CAST: variants seen among roughly 807,000 people sequenced by gnomAD.
CAST encodes the protein MIR583 host.
CAST carries 76 observed loss-of-function variants against 119.6 expected under a neutral mutation model. That is an observed-to-expected ratio of 0.64 (90% CI 0.53 to 0.77). CAST has a LOEUF of 0.77. CAST is among the 30% of genes least tolerant of loss of function. The probability of loss-of-function intolerance (pLI) is 0.00; values close to 1 mark genes in which losing one functional copy is unlikely to be tolerated. For missense variants in CAST, 953 were observed against 946.5 expected (o/e 1.01, Z -0.09); for synonymous variants, 319 against 331.6 (o/e 0.96, Z 0.41).
chr5:96,499,540 C>T, the CAST span, among the ~76,000 whole-genome samples: 1 of 152,190 alleles, frequency 6.6e-6, no homozygotes, highest in Non-Finnish European at 1.5e-5. Context: ...TGTCTACTGA[C>T]TGATCAGGGT....
chr5:96,204,685 G>A, the CAST span, among the ~76,000 whole-genome samples: 1 of 151,954 alleles, frequency 6.6e-6, no homozygotes, highest in Admixed American at 6.6e-5. Context: ...CTCCCAGGAG[G>A]CCCACAGAAA....
chr5:96,736,457 AAAAAC>A (rs201778654), intron 10 of CAST, among the ~76,000 whole-genome samples: 1 of 149,354 alleles, frequency 6.7e-6, no homozygotes, highest in Non-Finnish European at 1.5e-5. Flanking sequence ...TTTTTTAAAA[AAAAAC>A]AAACAAACTC....
chr5:96,498,263 A>G, the CAST span, among the ~76,000 whole-genome samples: 3 of 152,196 alleles, frequency 2.0e-5, no homozygotes, highest in African/African-American at 7.2e-5. Flanking sequence ...TGGTTACTGT[A>G]GCTGTGTAGT....
the CAST span, among the ~76,000 whole-genome samples, chr5:96,439,629 A>G: frequency 6.6e-6 from 1 of 152,182 alleles, no homozygotes; most frequent in African/African-American, 2.4e-5. Context: ...TGTTTTCCCC[A>G]GAGACATCAG....
intron 16 of CAST, 43 bp downstream of exon 16, chr5:96,742,799 C>A: frequency 1.5e-6 from 2 of 1,351,614 alleles, no homozygotes; most frequent in East Asian, 2.3e-5. Flanking sequence ...TTAGTCTGCA[C>A]ATTACAAAAC....
chr5:96,005,140 T>C, the CAST span, among the ~76,000 whole-genome samples: 1 of 152,238 alleles, frequency 6.6e-6, no homozygotes, highest in African/African-American at 2.4e-5. Context: ...AAAACTCATC[T>C]TCTTTGAGTC....
At chr5:96,066,762 C>T in the CAST span, among the ~76,000 whole-genome samples, 1 of 151,988 alleles carries the variant, frequency 6.6e-6, no homozygotes, top group Non-Finnish European at 1.5e-5. Flanking sequence ...TGGGCTCAAG[C>T]AATTCTCCCC....
chr5:96,186,324 T>G, the CAST span, among the ~76,000 whole-genome samples: 2 of 152,168 alleles, frequency 1.3e-5, no homozygotes, highest in Non-Finnish European at 2.9e-5. Flanking sequence ...CCCTTCCTGT[T>G]TGAATACCCT....
the CAST span, among the ~76,000 whole-genome samples, chr5:96,438,727 T>C: frequency 6.6e-6 from 1 of 152,196 alleles, no homozygotes; most frequent in African/African-American, 2.4e-5. Flanking sequence ...TAAGATGGTA[T>C]CATATCAACC....
intron 3 of CAST, among the ~76,000 whole-genome samples, chr5:96,711,356 G>GA (rs962896812): frequency 1.3e-5 from 2 of 152,066 alleles, no homozygotes; most frequent in African/African-American, 2.4e-5. Context: ...CTGATAATCT[G>GA]AAAAAAATTC....
chr5:96,622,655 A>T (rs1747637051), intron 1 of CAST, among the ~76,000 whole-genome samples: 1 of 152,136 alleles, frequency 6.6e-6, no homozygotes, highest in Non-Finnish European at 1.5e-5. Context: ...GTATTGGAGA[A>T]GTTTGGGTTC....
the CAST span, among the ~76,000 whole-genome samples, chr5:96,422,693 A>C: frequency 6.6e-6 from 1 of 152,234 alleles, no homozygotes; most frequent in Non-Finnish European, 1.5e-5. Flanking sequence ...TGAGAGAAAA[A>C]CAAGGGATAA....
the CAST span, among the ~76,000 whole-genome samples, chr5:96,418,836 A>G: frequency 6.6e-6 from 1 of 152,144 alleles, no homozygotes; most frequent in East Asian, 1.9e-4. Context: ...TGTCATTTCC[A>G]AATAGCAGAT....
chr5:96,537,486 T>C (rs1205791525), intron 1 of CAST, among the ~76,000 whole-genome samples: 1 of 152,232 alleles, frequency 6.6e-6, no homozygotes, highest in Non-Finnish European at 1.5e-5. Context: ...GATGAGCCAT[T>C]GATGGCCTTG....
the CAST span, among the ~76,000 whole-genome samples, chr5:96,263,602 T>C: frequency 2.1e-5 from 3 of 145,952 alleles, no homozygotes; most frequent in Admixed American, 1.4e-4. Flanking sequence ...GATAGCAAAT[T>C]AGAGAGAGAG....
rs539922827 is a variant in CAST, at chr5:96,731,087, C to T, written c.630+227C>T. 9.9e-4 allele frequency among the ~76,000 whole-genome samples: 151 copies of T among 152,220 alleles called. 1 individual carries two copies. Among genetic ancestry groups the T allele is most frequent in the Middle Eastern group, 3.4e-3 (1 of 294 alleles). ...CTTACTGAGTACATGCCATATATAA[C>T]GTACTGATATCAATACCAAGGACAT... On this transcript the variant is annotated intron_variant, in intron 9 of 31. Transcript: ENST00000675179.
intron 1 of CAST, among the ~76,000 whole-genome samples, chr5:96,651,803 T>C (rs1025129664): frequency 1.3e-5 from 2 of 152,222 alleles, no homozygotes; most frequent in East Asian, 3.8e-4. Flanking sequence ...ATATATCATG[T>C]TTGTAATTGT....
chr5:96,702,861 A>C (rs1754128710), intron 3 of CAST: 42 of 985,398 alleles, frequency 4.3e-5, no homozygotes, highest in Non-Finnish European at 5.1e-5. Context: ...CCAGCTAGGA[A>C]TGCAGACCTC....
At chr5:96,336,743 G>A in the CAST span, among the ~76,000 whole-genome samples, 1 of 152,088 alleles carries the variant, frequency 6.6e-6, no homozygotes, top group Non-Finnish European at 1.5e-5. Flanking sequence ...ATTTACTTTG[G>A]GAATAGAGAT....
Sources: gnomAD v4.1 joint callset for allele counts (sites outside exome capture counted in the v4.1 genomes callset) on GRCh38, gnomAD v4.1.1 for gene constraint, MANE v1.5 for transcripts, NCBI Gene and HGNC (gene_info 2026-07-23, HGNC 2026-07-21) for gene names.